CMSS1: variants seen among roughly 807,000 people sequenced by gnomAD.
CMSS1 encodes protein CMSS1.
A neutral mutation model predicts 43.5 loss-of-function variants in CMSS1; 33 were observed. The observed-to-expected ratio is 0.76, with a 90% CI of 0.57 to 1.01. The LOEUF is 1.01. Ranked by LOEUF, CMSS1 falls within the 50% of genes least tolerant of loss-of-function variation. The probability of loss-of-function intolerance (pLI) is 0.00; values close to 1 mark genes in which losing one functional copy is unlikely to be tolerated. For synonymous variants in CMSS1, 115 were observed against 117.2 expected (o/e 0.98, Z 0.12); for missense variants, 313 against 326.4 (o/e 0.96, Z 0.32).
intron 1 of CMSS1, among the ~76,000 whole-genome samples, chr3:99,988,674 C>G (rs1055526497): frequency 6.6e-6 from 1 of 152,026 alleles, no homozygotes; most frequent in Non-Finnish European, 1.5e-5. Flanking sequence ...TTAGATGATG[C>G]AAACAAAAAA....
At chr3:99,822,194 C>T (rs1942452107) in intron 1 of CMSS1, among the ~76,000 whole-genome samples, 1 of 152,114 alleles carries the variant, frequency 6.6e-6, no homozygotes, top group African/African-American at 2.4e-5. Context: ...GAGTCTGGAG[C>T]CCCAGGGCCA....
intron 1 of CMSS1, among the ~76,000 whole-genome samples, chr3:100,008,218 T>G (rs1035621662): frequency 6.6e-6 from 1 of 152,102 alleles, no homozygotes; most frequent in Non-Finnish European, 1.5e-5. Context: ...AACTTTAAGG[T>G]CATTCCTGAT....
intron 1 of CMSS1, among the ~76,000 whole-genome samples, chr3:99,872,576 G>GC (rs921853831): frequency 1.3e-5 from 2 of 151,610 alleles, no homozygotes; most frequent in African/African-American, 4.9e-5. Flanking sequence ...TCCCCTGCCT[G>GC]CCCCCACAAA....
intron 1 of CMSS1, among the ~76,000 whole-genome samples, chr3:100,144,163 G>T (rs918546334): frequency 2.6e-5 from 4 of 151,976 alleles, no homozygotes; most frequent in Non-Finnish European, 5.9e-5. Flanking sequence ...AGTAGGGGTT[G>T]GTCCCCTATC....
intron 1 of CMSS1, among the ~76,000 whole-genome samples, chr3:100,056,257 G>T (rs2065462256): frequency 6.6e-6 from 1 of 152,078 alleles, no homozygotes; most frequent in African/African-American, 2.4e-5. Context: ...TCAGCTCTGG[G>T]ATTTCCCCAC....
chr3:100,091,034 C>A (rs764918566), intron 1 of CMSS1, among the ~76,000 whole-genome samples: 28 of 152,234 alleles, frequency 1.8e-4, no homozygotes, highest in Admixed American at 2.0e-4. Context: ...GCCTGTAATC[C>A]CAGAACTTTG....
chr3:99,909,739 C>T (rs775060026), intron 1 of CMSS1, among the ~76,000 whole-genome samples: 2 of 152,158 alleles, frequency 1.3e-5, no homozygotes, highest in Non-Finnish European at 2.9e-5. Context: ...AAGTTGCTAT[C>T]AGTTATAGTT....
intron 1 of CMSS1, among the ~76,000 whole-genome samples, chr3:100,060,700 G>A (rs1306617322): frequency 6.6e-6 from 1 of 151,608 alleles, no homozygotes; most frequent in Non-Finnish European, 1.5e-5. Flanking sequence ...ACAAAAAATA[G>A]AAAAACACAA....
chr3:100,013,086 G>A (rs1037663848), intron 1 of CMSS1, among the ~76,000 whole-genome samples: 1 of 151,802 alleles, frequency 6.6e-6, no homozygotes, highest in African/African-American at 2.4e-5. Flanking sequence ...CTTGTTGTCC[G>A]GGCTGATCTT....
intron 1 of CMSS1, among the ~76,000 whole-genome samples, chr3:99,881,593 T>C (rs1378997363): frequency 6.6e-6 from 1 of 151,970 alleles, no homozygotes; most frequent in Non-Finnish European, 1.5e-5. Flanking sequence ...AGTGCAGTAG[T>C]GCAAGCTCGG....
At chr3:100,160,053 TAGTC>T in intron 2 of CMSS1, 1 of 400,540 alleles carries the variant, frequency 2.5e-6, no homozygotes, top group Non-Finnish European at 4.9e-6. Context: ...TTAGTCACTC[TAGTC>T]AAAGACTGTC....
intron 1 of CMSS1, chr3:99,929,987 C>A: frequency 6.2e-7 from 1 of 1,613,876 alleles, no homozygotes; most frequent in Non-Finnish European, 8.5e-7. Flanking sequence ...AAAGCCAGGT[C>A]CATTTTTTCA....
Position 99,843,597 on chromosome 3 carries a change from A to T in CMSS1, c.64+25554A>T, listed in dbSNP as rs546128961. On this transcript the variant is annotated intron_variant, in intron 1 of 9. Coordinates refer to ENST00000421999, the MANE Select transcript of CMSS1 (RefSeq NM_032359.4). ...GAGTTGAAAATATTAAAAGTTGAAA[A>T]TATGTTTAATACACCTAACCTACTG... 5.3e-5 allele frequency among the ~76,000 whole-genome samples: 8 copies of T among 152,312 alleles called. No individual in the cohort carries two copies. The South Asian group carries it at 1.7e-3, about 32-fold the overall frequency.
chr3:99,905,278 A>G (rs1706577322), intron 1 of CMSS1, among the ~76,000 whole-genome samples: 1 of 150,762 alleles, frequency 6.6e-6, no homozygotes, highest in Non-Finnish European at 1.5e-5. Flanking sequence ...TTTTACCTTC[A>G]CCACTGCTGG....
chr3:100,075,208 GC>G (rs1264232442), intron 1 of CMSS1, among the ~76,000 whole-genome samples: 1 of 152,136 alleles, frequency 6.6e-6, no homozygotes, highest in Non-Finnish European at 1.5e-5. Flanking sequence ...TTCCTGGTCA[GC>G]TTTTGCTAAA....
chr3:100,176,446 A>C (rs986458548), intron 9 of CMSS1, 31 bp downstream of exon 9: 18 of 1,434,118 alleles, frequency 1.3e-5, no homozygotes, highest in Non-Finnish European at 1.6e-5. Context: ...GCCTTTAATC[A>C]TTTTTTCTCT....
rs774491960 is a variant in CMSS1 at position 100,160,516 on chromosome 3, T to G, written c.225+15T>G. On this transcript the variant is annotated intron_variant, in intron 3 of 9. Coordinates refer to ENST00000421999, the MANE Select transcript of CMSS1 (RefSeq NM_032359.4). ...AAAGAAGAAAGGTAATATTAATAAT[T>G]TCTTAAATTTGTATGGCCCCACATG... 1.5e-6 allele frequency: 2 copies of G among 1,306,380 alleles called. No homozygotes were observed. The highest frequency in any genetic ancestry group is 2.5e-5 in the South Asian group (2 of 81,192). 80.9% of individuals were successfully genotyped at this position (1,306,380 alleles called of 1,614,324 possible).
intron 1 of CMSS1, among the ~76,000 whole-genome samples, chr3:99,902,004 A>G (rs1706453983): frequency 1.3e-5 from 2 of 152,144 alleles, no homozygotes; most frequent in African/African-American, 2.4e-5. Context: ...TTAATTTCCT[A>G]TAATCTGCCA....
intron 1 of CMSS1, among the ~76,000 whole-genome samples, chr3:99,933,300 G>A (rs923801027): frequency 3.9e-5 from 6 of 152,150 alleles, no homozygotes; most frequent in African/African-American, 1.4e-4. Context: ...GAACAATGAT[G>A]TGTGACAGTA....
Sources: gnomAD v4.1 joint callset for allele counts (sites outside exome capture counted in the v4.1 genomes callset) on GRCh38, gnomAD v4.1.1 for gene constraint, MANE v1.5 for transcripts, NCBI Gene and HGNC (gene_info 2026-07-23, HGNC 2026-07-21) for gene names.